The following RAPGEF5 variants were observed in gnomAD, a reference collection of about 807,000 sequenced individuals.
RAPGEF5 encodes the protein Rap guanine nucleotide exchange factor 5.
RAPGEF5 carries 65 observed loss-of-function variants against 125.2 expected under a neutral mutation model. The observed-to-expected ratio is 0.52, with a 90% CI of 0.43 to 0.64. The LOEUF is 0.64. Ranked by LOEUF, RAPGEF5 falls within the 30% of genes least tolerant of loss-of-function variation. RAPGEF5 has a pLI of 0.00. For synonymous variants in RAPGEF5, 391 were observed against 385.9 expected, an observed-to-expected ratio of 1.01 and a Z score of -0.16; for missense variants, 958 against 1,048.1, an observed-to-expected ratio of 0.91 and a Z score of 1.19.
At chr7:22,170,744 T>G (rs1784323821) in intron 11 of RAPGEF5, among the ~76,000 whole-genome samples, 1 of 152,204 alleles carries the variant, frequency 6.6e-6, no homozygotes, top group Non-Finnish European at 1.5e-5. Flanking sequence ...TGTTAAGGGC[T>G]TTGACCCAGA....
intron 7 of RAPGEF5, among the ~76,000 whole-genome samples, chr7:22,243,160 AC>A (rs1362167858): frequency 6.6e-6 from 1 of 152,190 alleles, no homozygotes; most frequent in Non-Finnish European, 1.5e-5. Context: ...CAATGTAAGT[AC>A]TTACGGCTCA....
chr7:22,221,386 G>A (rs1227748634), intron 8 of RAPGEF5, among the ~76,000 whole-genome samples: 1 of 152,100 alleles, frequency 6.6e-6, no homozygotes, highest in Non-Finnish European at 1.5e-5. Context: ...ATGGAAACTA[G>A]GCCTATTCTT....
At position 22,125,965 on chromosome 7, in the gene RAPGEF5, T is replaced by G. The variant is rs777881377; in HGVS notation, c.2482-307A>C. On this transcript the variant is annotated intron_variant, in intron 24 of 25. Coordinates refer to ENST00000665637, the MANE Select transcript of RAPGEF5 (RefSeq NM_012294.5). ...GAGTTTGAGACCAGCCTGGCCAATATGGCGAAACCCCATCTCTACTAAAAA... is the reference window on the plus strand; with the variant it reads ...GAGTTTGAGACCAGCCTGGCCAATAGGGCGAAACCCCATCTCTACTAAAAA... Among the ~76,000 whole-genome samples, 14 of 152,124 alleles carry G rather than the reference T, an allele frequency of 9.2e-5. 1 individual carries two copies. The highest frequency in any genetic ancestry group is 1.8e-4 in the Non-Finnish European group (12 of 68,024).
intron 2 of RAPGEF5, among the ~76,000 whole-genome samples, chr7:22,316,290 T>C (rs112839162): frequency 0.016 from 2,399 of 151,454 alleles, 61 homozygotes; most frequent in African/African-American, 0.055. Flanking sequence ...AATATATTAC[T>C]GGGGGTACAT....
chr7:22,201,271 T>C (rs1785270613), intron 9 of RAPGEF5, among the ~76,000 whole-genome samples: 1 of 152,228 alleles, frequency 6.6e-6, no homozygotes, highest in South Asian at 2.1e-4. Flanking sequence ...CCTTCCACCC[T>C]CTGATCTCTT....
intron 7 of RAPGEF5, among the ~76,000 whole-genome samples, chr7:22,239,875 C>T (rs994710245): frequency 1.4e-4 from 22 of 152,012 alleles, no homozygotes; most frequent in Non-Finnish European, 1.5e-4. Context: ...ACCAGTAGCC[C>T]GTTTCATTGC....
intron 11 of RAPGEF5, among the ~76,000 whole-genome samples, chr7:22,169,541 T>C (rs1281197479): frequency 6.6e-6 from 1 of 151,982 alleles, no homozygotes; most frequent in East Asian, 1.9e-4. Flanking sequence ...ATCCTCAACC[T>C]TTCAGGTCTG....
intron 7 of RAPGEF5, among the ~76,000 whole-genome samples, chr7:22,249,461 A>G (rs927248737): frequency 1.3e-5 from 2 of 152,110 alleles, no homozygotes; most frequent in African/African-American, 4.8e-5. Flanking sequence ...AAGTGCTGGG[A>G]TTATAGGCAT....
At chr7:22,348,467 A>G (rs746197859) in intron 1 of RAPGEF5, among the ~76,000 whole-genome samples, 80 of 152,242 alleles carry the variant, frequency 5.3e-4, no homozygotes, top group Non-Finnish European at 1.0e-3. Context: ...CAAGGAACTC[A>G]TTCTACCTCT....
Position 22,243,186 on chromosome 7 carries a change from C to T in RAPGEF5, c.797-12267G>A, listed in dbSNP as rs571893648. On this transcript the variant is annotated intron_variant, in intron 7 of 25. Transcript: ENST00000665637. ...CTTACGGCTCACAAAAGAAAGCAAT[C>T]TCATAAGACTGTCAAATAACGAAAC... is the stretch of plus-strand genomic sequence containing the variant. Among the ~76,000 whole-genome samples, 16 of 152,212 alleles carry T rather than the reference C, an allele frequency of 1.1e-4. No homozygotes were observed. The East Asian group carries it at 2.9e-3, about 28-fold the overall frequency.
At position 22,119,629 on chromosome 7, in the gene RAPGEF5, G is replaced by A. The variant is rs1583371991; in HGVS notation, c.*2777C>T. The stretch of plus-strand genomic sequence containing the variant: ...TGCTGACGAATCCAAAGACCCACAG[G>A]ACTGTCTGAGAGTTGTGCTGTAACA... On this transcript the variant is annotated 3_prime_UTR_variant, in exon 26 of 26. Transcript: ENST00000665637. This position sits in a 1 kb window ranked among gnomAD's most constrained non-coding sequence, Gnocchi z 4.1. The A allele has an allele frequency of 6.6e-6, 1 of 152,214 alleles. No homozygotes were observed. Among genetic ancestry groups the A allele is most frequent in the East Asian group, 1.9e-4 (1 of 5,196 alleles). The allele number at this position is 152,214 out of a possible 1,614,324, so 9.4% of individuals were successfully genotyped here.
chr7:22,289,748 C>A (rs922685077), intron 6 of RAPGEF5, among the ~76,000 whole-genome samples: 3 of 152,114 alleles, frequency 2.0e-5, no homozygotes, highest in Non-Finnish European at 4.4e-5. Context: ...GGATTGTAAT[C>A]CCCAGGTGTT....
chr7:22,144,193 C>T (rs1048723187), intron 20 of RAPGEF5, among the ~76,000 whole-genome samples: 1 of 152,174 alleles, frequency 6.6e-6, no homozygotes, highest in Non-Finnish European at 1.5e-5. Context: ...TGAGTCATTG[C>T]TATTTACCAA....
chr7:22,202,405 T>C (rs1785299972), intron 9 of RAPGEF5, among the ~76,000 whole-genome samples: 1 of 152,144 alleles, frequency 6.6e-6, no homozygotes, highest in South Asian at 2.1e-4. Context: ...AGCCATCCAA[T>C]AGCTGTTTTG....
intron 6 of RAPGEF5, among the ~76,000 whole-genome samples, chr7:22,272,189 A>G (rs895501357): frequency 1.6e-4 from 24 of 151,832 alleles, no homozygotes; most frequent in African/African-American, 5.8e-4. Flanking sequence ...TAAAAATACA[A>G]AAAAATTAGC....
chr7:22,231,982 G>A (rs80001051), intron 7 of RAPGEF5, among the ~76,000 whole-genome samples: 3 of 152,310 alleles, frequency 2.0e-5, no homozygotes, highest in East Asian at 3.9e-4. Flanking sequence ...CGGAAGCAGG[G>A]AGACCAGTTA....
At chr7:22,211,702 T>C (rs1785509807) in intron 9 of RAPGEF5, among the ~76,000 whole-genome samples, 1 of 152,038 alleles carries the variant, frequency 6.6e-6, no homozygotes, top group African/African-American at 2.4e-5. Flanking sequence ...GTTCCCACAT[T>C]GCAACGGAGG....
At chr7:22,312,996 C>G (rs1315496515) in intron 3 of RAPGEF5, among the ~76,000 whole-genome samples, 1 of 152,152 alleles carries the variant, frequency 6.6e-6, no homozygotes, top group African/African-American at 2.4e-5. Context: ...ACAGCAGTTC[C>G]TACCCACAGT....
chr7:22,244,748 CCTGGTGCCA>C, intron 7 of RAPGEF5, among the ~76,000 whole-genome samples: 1 of 152,230 alleles, frequency 6.6e-6, no homozygotes, highest in Non-Finnish European at 1.5e-5. Context: ...GAAACAGGTC[CCTGGTGCCA>C]AAATGGTAGG....
Sources: gnomAD v4.1 joint callset for allele counts (sites outside exome capture counted in the v4.1 genomes callset) on GRCh38, gnomAD v4.1.1 for gene constraint, Gnocchi (gnomAD v3.1) non-coding constraint, MANE v1.5 for transcripts, NCBI Gene and HGNC (gene_info 2026-07-23, HGNC 2026-07-21) for gene names.